Variants in ACOT9 observed in about 807,000 individuals in gnomAD.
The protein encoded by ACOT9 is acyl-CoA thioesterase 9.
Under a neutral mutation model 39.7 loss-of-function variants are expected in ACOT9, and 34 were observed. That is an observed-to-expected ratio of 0.86 (90% CI 0.65 to 1.14). ACOT9 has a LOEUF of 1.14. Among genes scored for constraint, ACOT9 ranks in the 50% most tolerant of loss-of-function variants. The pLI is 0.00. For missense variants in ACOT9, 313 were observed against 344.1 expected (o/e 0.91, Z 0.71); for synonymous variants, 110 against 120.5 (o/e 0.91, Z 0.57).
chrX:23,719,266 TCAAA>T (rs1338480517), intron 8 of ACOT9, among the ~76,000 whole-genome samples: 1 of 111,724 alleles, frequency 9.0e-6, no homozygotes, highest in Non-Finnish European at 1.9e-5. Flanking sequence ...TGACACTGTC[TCAAA>T]CAAACAAAAT....
intron 3 of ACOT9, 53 bp from the exon 4 acceptor site, chrX:23,733,270 G>A: frequency 9.3e-7 from 1 of 1,069,869 alleles, no homozygotes; most frequent in Non-Finnish European, 1.3e-6. Flanking sequence ...ATGAGAAACG[G>A]ATTATGGCAA....
intron 6 of ACOT9, among the ~76,000 whole-genome samples, chrX:23,723,784 T>C (rs761165494): frequency 3.0e-4 from 33 of 110,839 alleles, no homozygotes; most frequent in African/African-American, 9.5e-4. Context: ...GGGGGAATGA[T>C]AGGCTAAAGG....
intron 9 of ACOT9, among the ~76,000 whole-genome samples, chrX:23,709,777 G>A (rs1928829365): frequency 8.9e-6 from 1 of 111,869 alleles, no homozygotes; most frequent in African/African-American, 3.2e-5. Flanking sequence ...GTTTTTCTCA[G>A]TTTGGGTGTA....
rs142118800 is a variant in ACOT9 at position 23,740,253 on chromosome X, T to A, written c.20+2872A>T. The stretch of plus-strand genomic sequence containing the variant: ...TCCCGAGCAGCTGGGATTACAGCTG[T>A]GCACCACCATGCCCAGCTAGTTTTT... On this transcript the variant is annotated intron_variant, in intron 1 of 15. Coordinates refer to ENST00000379303, the MANE Select transcript of ACOT9 (RefSeq NM_001037171.2). Among the ~76,000 whole-genome samples, 367 of 109,333 alleles carry A rather than the reference T, an allele frequency of 3.4e-3. 2 individuals are homozygous for A. Among genetic ancestry groups the A allele is most frequent in the African/African-American group, 0.011 (326 of 30,000 alleles). The allele number at this position is 109,333 out of a possible 115,157, so 94.9% of individuals were successfully genotyped here.
At chrX:23,719,333 A>C (rs1023576125) in intron 8 of ACOT9, among the ~76,000 whole-genome samples, 3 of 112,199 alleles carry the variant, frequency 2.7e-5, no homozygotes, top group African/African-American at 9.7e-5. Flanking sequence ...AGATTCAATC[A>C]CTTGCATATA....
chrX:23,738,627 C>T (rs1930025424), intron 1 of ACOT9, among the ~76,000 whole-genome samples: 1 of 111,067 alleles, frequency 9.0e-6, no homozygotes, highest in South Asian at 3.8e-4. Flanking sequence ...TAGCATTCTA[C>T]AACTGAATAT....
chrX:23,718,409 T>C (rs1929155489), intron 8 of ACOT9, among the ~76,000 whole-genome samples: 1 of 112,073 alleles, frequency 8.9e-6, no homozygotes, highest in Admixed American at 9.5e-5. Flanking sequence ...CAGTGAAGAA[T>C]GCAAATTTAA....
intron 9 of ACOT9, among the ~76,000 whole-genome samples, chrX:23,712,096 G>A (rs1490491168): frequency 9.0e-6 from 1 of 111,542 alleles, no homozygotes; most frequent in Admixed American, 9.6e-5. Flanking sequence ...GATTAAAACA[G>A]ATTTAAGAGA....
At chrX:23,714,830 G>T (rs988539540) in intron 8 of ACOT9, among the ~76,000 whole-genome samples, 1 of 110,625 alleles carries the variant, frequency 9.0e-6, no homozygotes, top group African/African-American at 3.3e-5. Context: ...ACCCAGGCTG[G>T]TCTTGACCTC....
At chrX:23,728,371 G>T (rs1257515059) in intron 6 of ACOT9, among the ~76,000 whole-genome samples, 1 of 110,647 alleles carries the variant, frequency 9.0e-6, no homozygotes, top group African/African-American at 3.3e-5. Flanking sequence ...GGGTACCAGA[G>T]CCCAGGTAAG....
chrX:23,719,573 G>C (rs1348448323), intron 8 of ACOT9, among the ~76,000 whole-genome samples: 2 of 110,445 alleles, frequency 1.8e-5, no homozygotes, highest in Non-Finnish European at 3.8e-5. Flanking sequence ...GGTGGGCTGG[G>C]GGGGATGGTT....
At chrX:23,711,852 A>G (rs1283726219) in intron 9 of ACOT9, among the ~76,000 whole-genome samples, 2 of 111,586 alleles carry the variant, frequency 1.8e-5, no homozygotes, top group Admixed American at 9.7e-5. Context: ...ATACAACATC[A>G]TCTATGTAGT....
At chrX:23,733,070 T>C (rs990192189) in intron 4 of ACOT9, 102 bp downstream of exon 4, 7 of 778,981 alleles carry the variant, frequency 9.0e-6, no homozygotes, top group Middle Eastern at 2.9e-4. Flanking sequence ...TCTCTGAACA[T>C]AGGGCTCCCC....
chrX:23,733,875 C>T (rs1268265362), intron 3 of ACOT9, among the ~76,000 whole-genome samples: 3 of 112,649 alleles, frequency 2.7e-5, no homozygotes, highest in Non-Finnish European at 5.6e-5. Context: ...GATTCTCCTG[C>T]CTCAGCCTCC....
At chrX:23,717,781 T>A (rs1464671853) in intron 8 of ACOT9, among the ~76,000 whole-genome samples, 1 of 111,788 alleles carries the variant, frequency 8.9e-6, no homozygotes, top group African/African-American at 3.2e-5. Flanking sequence ...TCAACAGTAT[T>A]TATAATAAAT....
chrX:23,741,745 G>C (rs1383315137), intron 1 of ACOT9, among the ~76,000 whole-genome samples: 2 of 111,575 alleles, frequency 1.8e-5, no homozygotes, highest in African/African-American at 6.5e-5. Context: ...CGCGATCTCA[G>C]CTCACTGCAA....
At chrX:23,721,584 T>C (rs1385303135) in intron 8 of ACOT9, among the ~76,000 whole-genome samples, 2 of 112,000 alleles carry the variant, frequency 1.8e-5, no homozygotes, top group Non-Finnish European at 1.9e-5. Flanking sequence ...CATTCACTCC[T>C]ACCATAACAC....
intron 1 of ACOT9, among the ~76,000 whole-genome samples, chrX:23,737,856 A>G (rs960478190): frequency 1.0e-5 from 1 of 99,348 alleles, no homozygotes; most frequent in African/African-American, 3.9e-5. Context: ...ACTTTCGTAT[A>G]CAGATTAATA....
rs779062217 is a variant in ACOT9, at chrX:23,733,089, TG to T, written c.191+82del. The T allele has an allele frequency of 3.3e-5, 31 of 941,774 alleles. No individual in the cohort carries two copies. In the Admixed American group the frequency reaches 7.2e-4, roughly 22 times the overall value. 77.6% of individuals were successfully genotyped at this position (941,774 alleles called of 1,213,427 possible). ...TGAACATAGGGCTCCCCATCCCCACTGTGAGACCATCAACTGAGCCTAAATA... is the reference window on the plus strand; with the variant it reads ...TGAACATAGGGCTCCCCATCCCCACTTGAGACCATCAACTGAGCCTAAATA... On this transcript the variant is annotated intron_variant, in intron 4 of 15. Coordinates refer to ENST00000379303, the MANE Select transcript of ACOT9 (RefSeq NM_001037171.2).
Sources: allele counts gnomAD v4.1 joint callset (sites outside exome capture counted in the v4.1 genomes callset), GRCh38; gene constraint gnomAD v4.1.1; transcripts MANE v1.5; gene names NCBI Gene and HGNC (gene_info 2026-07-23, HGNC 2026-07-21).